The following SDAD1 variants were observed in gnomAD, a reference collection of about 807,000 sequenced individuals.
SDAD1 encodes protein SDA1 homolog.
Under a neutral mutation model 100.3 loss-of-function variants are expected in SDAD1, and 79 were observed. The observed-to-expected ratio is 0.79, with a 90% CI of 0.66 to 0.95. SDAD1 has a LOEUF of 0.95. Among genes scored for constraint, SDAD1 ranks in the 40% least tolerant of loss-of-function variants. The pLI is 0.00. For synonymous variants in SDAD1, 267 were observed against 271.4 expected (o/e 0.98, Z 0.16); for missense variants, 790 against 810.9 (o/e 0.97, Z 0.31).
chr4:75,978,063 T>C (rs934630965), intron 3 of SDAD1, among the ~76,000 whole-genome samples: 6 of 152,006 alleles, frequency 3.9e-5, no homozygotes, highest in East Asian at 1.9e-4. Context: ...TAAGGTCTCT[T>C]TGTAGTGTCA....
intron 1 of SDAD1, among the ~76,000 whole-genome samples, chr4:75,985,472 C>T (rs1290182497): frequency 6.6e-6 from 1 of 152,172 alleles, no homozygotes; most frequent in Non-Finnish European, 1.5e-5. Context: ...CTCAACTGTC[C>T]TCACCCCCAG....
rs754192068 is a variant in SDAD1, at chr4:75,967,226, G to A, written c.1045+51C>T. ...GATTCCAGAACAAAAGACTTTGCAT[G>A]TTTATTCTATTACCAAGGCCACCAA... On this transcript the variant is annotated intron_variant, in intron 12 of 21. Transcript: ENST00000356260. 42 of 1,541,108 alleles carry A rather than the reference G, an allele frequency of 2.7e-5. No homozygotes were observed. The South Asian group carries it at 4.7e-4, about 17-fold the overall frequency.
rs1047783750 is a variant in SDAD1, at chr4:75,967,319, A to C, written c.1003T>G (p.Phe335Val). The C allele has an allele frequency of 1.8e-5, 29 of 1,613,920 alleles. No individual in the cohort carries two copies. The highest frequency in any genetic ancestry group is 2.4e-5 in the Non-Finnish European group (28 of 1,179,982). ...VGIHELFLFN[F>V]YPFLQRFLQP... ...AGAAACCTTTGCAAAAAGGGATAGA[A>C]ATTGAAGAGGAAAAGCTGTGGAGAG... Residue 335 changes from phenylalanine to valine, a missense_variant, in exon 12 of 22, where the codon TTC (phenylalanine) becomes GTC (valine). Phe to Val is a conservative substitution (Grantham distance 50). Transcript: ENST00000356260.
rs3195621 is a variant in SDAD1, at chr4:75,973,380, G to A, written c.648C>T (p.Ala216=). ...CTTTCCCAAGAAAGAATGTCAAAGC[G>A]GCAACTAATATCTAAACACCAATGA... ...CFSKVTKILV[A]ALTFFLGKDE... is the part of the protein sequence containing the mutation. Residue 216 remains alanine (A), a synonymous_variant, in exon 8 of 22, where the codon GCC becomes GCT. Transcript: ENST00000356260. 109 of 1,612,808 alleles carry A rather than the reference G, an allele frequency of 6.8e-5. No homozygotes were observed. The African/African-American group carries it at 9.8e-4, about 14-fold the overall frequency.
chr4:75,982,103 G>A, intron 1 of SDAD1, 66 bp from the exon 2 acceptor site: 1 of 910,748 alleles, frequency 1.1e-6, no homozygotes, highest in Non-Finnish European at 1.7e-6. Context: ...CAGACATTCA[G>A]TAGAGAAATT....
chr4:75,969,940 T>C (rs759000688), intron 10 of SDAD1, among the ~76,000 whole-genome samples: 1 of 151,726 alleles, frequency 6.6e-6, no homozygotes, highest in African/African-American at 2.4e-5. Context: ...GTTTGAGAAC[T>C]AGTGTTCTCG....
intron 6 of SDAD1, among the ~76,000 whole-genome samples, chr4:75,974,949 G>A (rs1353235399): frequency 6.7e-6 from 1 of 149,432 alleles, no homozygotes; most frequent in African/African-American, 2.5e-5. Context: ...GGCTGAGGCA[G>A]GGGAATCGCT....
Position 75,957,948 on chromosome 4 carries a change from G to A in SDAD1, c.1484-7C>T. ...CTGGTACTTTCCCATCCATCTGCGTGAAAAAAGCAAACCCACTACTGCCAT... is the reference window on the plus strand; with the variant it reads ...CTGGTACTTTCCCATCCATCTGCGTAAAAAAAGCAAACCCACTACTGCCAT... On this transcript the variant is annotated splice_polypyrimidine_tract_variant and splice_region_variant and intron_variant, in intron 17 of 21. Coordinates refer to ENST00000356260, the MANE Select transcript of SDAD1 (RefSeq NM_018115.4). 6.2e-7 allele frequency: 1 copy of A among 1,611,068 alleles called. No homozygotes were observed. Among genetic ancestry groups the A allele is most frequent in the Non-Finnish European group, 8.5e-7 (1 of 1,179,080 alleles).
At chr4:75,965,036 C>G (rs1175090547) in intron 13 of SDAD1, among the ~76,000 whole-genome samples, 2 of 152,160 alleles carry the variant, frequency 1.3e-5, no homozygotes, top group African/African-American at 2.4e-5. Context: ...ACCATTAGGT[C>G]TGGCTGCCTG....
At chr4:75,988,862 A>G (rs1731062545) in intron 1 of SDAD1, among the ~76,000 whole-genome samples, 1 of 152,094 alleles carries the variant, frequency 6.6e-6, no homozygotes, top group African/African-American at 2.4e-5. Context: ...TACTAGCTCT[A>G]CCTCCACGTA....
At chr4:75,953,238 C>T (rs1047673008) in intron 21 of SDAD1, among the ~76,000 whole-genome samples, 2 of 152,114 alleles carry the variant, frequency 1.3e-5, no homozygotes, top group African/African-American at 2.4e-5. Context: ...TTTTATGACT[C>T]GAGGTGCTTG....
chr4:75,952,182 T>C (rs1728659186), intron 21 of SDAD1, among the ~76,000 whole-genome samples: 2 of 152,242 alleles, frequency 1.3e-5, no homozygotes, highest in African/African-American at 4.8e-5. Flanking sequence ...ATTTTCCTCA[T>C]CTGCAAAATT....
intron 8 of SDAD1, among the ~76,000 whole-genome samples, chr4:75,972,781 G>C (rs889098196): frequency 2.6e-5 from 4 of 151,620 alleles, no homozygotes; most frequent in African/African-American, 9.7e-5. Context: ...CAGCACTTTG[G>C]GAGGCCGAGG....
Position 75,954,123 on chromosome 4 carries a change from T to C in SDAD1, c.2016+1852A>G, listed in dbSNP as rs375479383. Among the ~76,000 whole-genome samples, 120 of 152,240 alleles carry C rather than the reference T, an allele frequency of 7.9e-4. 3 individuals are homozygous for C. Among genetic ancestry groups the C allele is most frequent in the African/African-American group, 2.6e-3 (109 of 41,552 alleles). On this transcript the variant is annotated intron_variant, in intron 21 of 21. Transcript: ENST00000356260. ...GCCAGGCGCGGTAGTAGCTCACGCC[T>C]GTAATCCCAGCACTTTGGGAGACCG...
intron 3 of SDAD1, among the ~76,000 whole-genome samples, chr4:75,980,600 GAGACACGCAA>G (rs1339403405): frequency 1.3e-5 from 2 of 152,184 alleles, no homozygotes; most frequent in African/African-American, 2.4e-5. Context: ...GGATAGTGCA[GAGACACGCAA>G]AGCAAAGCAA....
intron 4 of SDAD1, 23 bp downstream of exon 4, chr4:75,977,623 G>GA (rs766062906): frequency 3.7e-5 from 52 of 1,397,082 alleles, no homozygotes; most frequent in Non-Finnish European, 5.3e-5. Flanking sequence ...AAGATGCAGG[G>GA]AAATATTTGT....
intron 10 of SDAD1, 100 bp downstream of exon 10, chr4:75,970,209 T>G: frequency 1.0e-6 from 1 of 965,154 alleles, no homozygotes; most frequent in East Asian, 2.4e-5. Context: ...GACTATCTAC[T>G]AAATGCCAGG....
chr4:75,956,054 T>C lies in SDAD1; in HGVS notation c.1937A>G (p.Lys646Arg), dbSNP rs1402356247. ...CATCATCATAAAGTTCTTCTGTTTT[T>C]TCTTCTCTTTATTTGTCGAACTGGA... ...PFSSSTNKEKKKQKNFMMMRY... is the reference protein window; with the variant it reads ...PFSSSTNKEKRKQKNFMMMRY... The change falls in exon 21 of 22, where the codon AAA becomes AGA. Residue 646 changes from lysine to arginine, a missense_variant. Transcript: ENST00000356260. 6.2e-7 allele frequency: 1 copy of C among 1,613,448 alleles called. No homozygotes were observed. Among genetic ancestry groups the C allele is most frequent in the Non-Finnish European group, 8.5e-7 (1 of 1,179,874 alleles).
At chr4:75,970,962 TG>T (rs1416948531) in intron 9 of SDAD1, among the ~76,000 whole-genome samples, 1 of 152,234 alleles carries the variant, frequency 6.6e-6, no homozygotes, top group Non-Finnish European at 1.5e-5. Flanking sequence ...AGCCTCAGGT[TG>T]TTCTTTATAG....
Sources: gnomAD v4.1 joint callset for allele counts (sites outside exome capture counted in the v4.1 genomes callset) on GRCh38, gnomAD v4.1.1 for gene constraint, MANE v1.5 for transcripts, NCBI Gene and HGNC (gene_info 2026-07-23, HGNC 2026-07-21) for gene names.